The following LOC102723971 variants were observed in gnomAD, a reference collection of about 807,000 sequenced individuals.
the LOC102723971 span, among the ~76,000 whole-genome samples, chr9:135,619,858 T>TTCTCCCCCTTCTCCCCCTTCTCCCCAA: frequency 1.7e-5 from 1 of 58,282 alleles, no homozygotes; most frequent in Non-Finnish European, 3.4e-5. Context: ...CTTCTCCCCC[T>TTCTCCCCCTTCTCCCCCTTCTCCCCAA]TCTCCCCCTT....
the LOC102723971 span, among the ~76,000 whole-genome samples, chr9:135,619,491 G>T: frequency 5.9e-5 from 9 of 152,114 alleles, no homozygotes; most frequent in African/African-American, 2.2e-4. Flanking sequence ...ACCTGGGTCT[G>T]CTGGGGACCC....
At chr9:135,619,827 C>T in the LOC102723971 span, among the ~76,000 whole-genome samples, 5 of 151,598 alleles carry the variant, frequency 3.3e-5, no homozygotes, top group African/African-American at 9.7e-5. Flanking sequence ...GAGGCTGCCC[C>T]GAAAACGCCT....
chr9:135,617,490 G>C, the LOC102723971 span, among the ~76,000 whole-genome samples: 4 of 152,180 alleles, frequency 2.6e-5, no homozygotes, highest in African/African-American at 7.2e-5. Context: ...GATGGGGCTG[G>C]GGGCATTTCA....
chr9:135,614,813 C>A, the LOC102723971 span, among the ~76,000 whole-genome samples: 1 of 152,080 alleles, frequency 6.6e-6, no homozygotes, highest in Non-Finnish European at 1.5e-5. Context: ...GGTCCTGGTG[C>A]TGCTGGTGGG....
the LOC102723971 span, chr9:135,616,536 C>T: frequency 1.0e-5 from 4 of 398,568 alleles, no homozygotes; most frequent in Non-Finnish European, 1.8e-5. Context: ...GAAAGGGCAA[C>T]AGGACACAGT....
chr9:135,616,845 G>T, the LOC102723971 span: 128 of 398,626 alleles, frequency 3.2e-4, no homozygotes, highest in Admixed American at 1.7e-3. Flanking sequence ...GCATGGGGGG[G>T]TCCAGGGCCT....
chr9:135,617,148 G>T, the LOC102723971 span: 1 of 395,812 alleles, frequency 2.5e-6, no homozygotes, highest in South Asian at 1.4e-4. Flanking sequence ...CTTCTGTGCA[G>T]GGTGTTCTGA....
the LOC102723971 span, chr9:135,614,296 T>G: frequency 1.0e-5 from 4 of 398,496 alleles, no homozygotes. Context: ...GCCTGGCGGG[T>G]GCCCAGAAGG....
the LOC102723971 span, chr9:135,616,710 G>A: frequency 2.8e-5 from 11 of 398,564 alleles, no homozygotes; most frequent in Admixed American, 4.4e-5. Context: ...GGGGAGGGGC[G>A]AGCAAGGGGC....
chr9:135,618,065 A>C, the LOC102723971 span: 1 of 398,714 alleles, frequency 2.5e-6, no homozygotes, highest in Non-Finnish European at 4.4e-6. Context: ...TCCCCCAGCC[A>C]CATCCTGGAG....
the LOC102723971 span, among the ~76,000 whole-genome samples, chr9:135,617,235 G>T: frequency 6.6e-6 from 1 of 152,224 alleles, no homozygotes; most frequent in African/African-American, 2.4e-5. Context: ...GTGTCCCCAT[G>T]CAGGACGTGC....
chr9:135,617,348 T>C, the LOC102723971 span, among the ~76,000 whole-genome samples: 1 of 152,028 alleles, frequency 6.6e-6, no homozygotes, highest in Non-Finnish European at 1.5e-5. Context: ...TCTTCCTCCT[T>C]ATCAAGCAAT....
At chr9:135,619,387 A>G in the LOC102723971 span, among the ~76,000 whole-genome samples, 1 of 152,118 alleles carries the variant, frequency 6.6e-6, no homozygotes, top group East Asian at 1.9e-4. Flanking sequence ...CCCCCTCCCC[A>G]GGGCTGCTGG....
At chr9:135,616,856 G>T in the LOC102723971 span, 1 of 398,670 alleles carries the variant, frequency 2.5e-6, no homozygotes. Context: ...TCCAGGGCCT[G>T]GGGGACGGAG....
chr9:135,618,043 T>C, the LOC102723971 span: 4 of 398,510 alleles, frequency 1.0e-5, no homozygotes, highest in African/African-American at 8.2e-5. Context: ...TCAACATAGA[T>C]GGTGAGCACT....
the LOC102723971 span, chr9:135,615,460 C>T: frequency 7.0e-5 from 28 of 398,738 alleles, no homozygotes; most frequent in Middle Eastern, 1.9e-3. Flanking sequence ...CCATCCGGAC[C>T]AGGGACGGCG....
chr9:135,617,860 TC>T, the LOC102723971 span: 1 of 397,278 alleles, frequency 2.5e-6, no homozygotes, highest in African/African-American at 2.1e-5. Flanking sequence ...GGCCTCTGCC[TC>T]CCCGTTGTTC....
chr9:135,617,229 C>A, the LOC102723971 span, among the ~76,000 whole-genome samples: 1 of 152,124 alleles, frequency 6.6e-6, no homozygotes, highest in African/African-American at 2.4e-5. Flanking sequence ...GGGAGGGTGT[C>A]CCCATGCAGG....
the LOC102723971 span, among the ~76,000 whole-genome samples, chr9:135,614,577 C>T: frequency 6.6e-6 from 1 of 152,180 alleles, no homozygotes; most frequent in African/African-American, 2.4e-5. Context: ...ACCTCGGGGC[C>T]TTTCCCTCTC....
Sources: gnomAD v4.1 joint callset for allele counts (sites outside exome capture counted in the v4.1 genomes callset) on GRCh38, gnomAD v4.1.1 for gene constraint, MANE v1.5 for transcripts.